The following C11orf65 variants were observed in gnomAD, a reference collection of about 807,000 sequenced individuals.
C11orf65 encodes chromosome 11 open reading frame 65.
C11orf65 carries 38 observed loss-of-function variants against 35.3 expected under a neutral mutation model. The observed-to-expected ratio is 1.08, with a 90% CI of 0.83 to 1.41. The LOEUF is 1.41. C11orf65 is among the 40% of genes most tolerant of loss of function. The pLI, the probability that C11orf65 is intolerant of heterozygous loss-of-function variation, is 0.00. For missense variants in C11orf65, 370 were observed against 367.1 expected (o/e 1.01, Z -0.06); for synonymous variants, 105 against 114.4 (o/e 0.92, Z 0.53).
At position 108,347,268 on chromosome 11, in the gene C11orf65, T is replaced by G. The variant is rs752428743; in HGVS notation, c.227-11976A>C. 6.3e-7 allele frequency: 1 copy of G among 1,586,468 alleles called. No individual in the cohort carries two copies. Among genetic ancestry groups the G allele is most frequent in the Non-Finnish European group, 8.7e-7 (1 of 1,155,096 alleles). ...CAGTGATTTCAGATTGTTTGTTTCT[T>G]TTTTCTCCAGTTGGTTACATACTTG... On this transcript the variant is annotated intron_variant, in intron 2 of 3. Transcript: ENST00000524755.
rs185017130 is a variant in C11orf65 at position 108,405,284 on chromosome 11, G to A, written c.560+145C>T. 5.3e-4 allele frequency: 384 copies of A among 730,350 alleles called. 1 individual carries two copies. The East Asian group carries it at 5.7e-3, about 11-fold the overall frequency. 45.2% of individuals were successfully genotyped at this position (730,350 alleles called of 1,614,324 possible). On this transcript the variant is annotated intron_variant, in intron 6 of 8. Coordinates refer to ENST00000393084, the MANE Select transcript of C11orf65 (RefSeq NM_152587.5). ...ACAGAATATCTGTGTGTCAGTGTGC[G>A]TTTTATTCATCTGTCGTTTGGGTCA...
chr11:108,331,840 T>C, intron 3 of C11orf65: 2 of 1,595,830 alleles, frequency 1.3e-6, no homozygotes, highest in Non-Finnish European at 1.7e-6. Context: ...TTATATTTTT[T>C]TGTTTATTTG....
In C11orf65 at chr11:108,316,018, A is replaced by G. The variant is rs876659555; in HGVS notation, c.641-6947T>C. The G allele has an allele frequency of 6.2e-7, 1 of 1,614,034 alleles. No homozygotes were observed. The highest frequency in any genetic ancestry group is 1.3e-5 in the African/African-American group (1 of 74,946). ...CACAATCTTTTCTTATAGACTACGA[A>G]CATATGAACACGAAGCAATGTGGGG... On this transcript the variant is annotated intron_variant, in intron 6 of 6. Coordinates refer to the C11orf65 transcript ENST00000525729.
rs541998232 is a variant in C11orf65 at position 108,406,009 on chromosome 11, C to G, written c.430-450G>C. 4.6e-5 allele frequency among the ~76,000 whole-genome samples: 7 copies of G among 152,110 alleles called. No homozygotes were observed. The South Asian group carries it at 1.5e-3, about 32-fold the overall frequency. On this transcript the variant is annotated intron_variant, in intron 5 of 8. Transcript: ENST00000393084. ...TTCTCCTAACTGGTTGTCTATTTTC[C>G]CCCTTCCAACTCATTCCCCCTGCTC... is the stretch of plus-strand genomic sequence containing the variant.
At chr11:108,370,399 AATCAT>A (rs2091526833) in intron 2 of C11orf65, among the ~76,000 whole-genome samples, 1 of 151,984 alleles carries the variant, frequency 6.6e-6, no homozygotes, top group Non-Finnish European at 1.5e-5. Context: ...CTATGTATAT[AATCAT>A]ATCATCTATG....
chr11:108,354,088 C>T (rs1196132527), intron 2 of C11orf65, among the ~76,000 whole-genome samples: 1 of 149,482 alleles, frequency 6.7e-6, no homozygotes, highest in Admixed American at 6.6e-5. Flanking sequence ...CACACACACA[C>T]ACACACACAC....
At chr11:108,376,159 C>G (rs2091718837) in intron 2 of C11orf65, among the ~76,000 whole-genome samples, 1 of 152,106 alleles carries the variant, frequency 6.6e-6, no homozygotes, top group Admixed American at 6.5e-5. Flanking sequence ...ACAGAACTCT[C>G]CACCCCAAAT....
intron 3 of C11orf65, among the ~76,000 whole-genome samples, chr11:108,410,131 G>T (rs1358886892): frequency 1.3e-5 from 2 of 152,144 alleles, no homozygotes; most frequent in East Asian, 1.9e-4. Flanking sequence ...GACTACCAAA[G>T]AGTTTTCCAA....
At chr11:108,431,015 T>C (rs77208327) in intron 3 of C11orf65, among the ~76,000 whole-genome samples, 1,585 of 151,594 alleles carry the variant, frequency 0.01, 31 homozygotes, top group African/African-American at 0.036. Flanking sequence ...AAACTGACAA[T>C]ATTATGTATT....
chr11:108,451,706 T>G (rs1308813535), intron 2 of C11orf65, among the ~76,000 whole-genome samples: 1 of 152,180 alleles, frequency 6.6e-6, no homozygotes, highest in East Asian at 1.9e-4. Flanking sequence ...AAGACAATCC[T>G]AAGCCAAAAG....
chr11:108,423,188 T>G (rs1257151100), intron 3 of C11orf65, among the ~76,000 whole-genome samples: 2 of 151,748 alleles, frequency 1.3e-5, no homozygotes, highest in African/African-American at 4.8e-5. Context: ...CTAGCTGCAG[T>G]TTTTTTTCAT....
chr11:108,354,268 C>T (rs1259872794), intron 2 of C11orf65, among the ~76,000 whole-genome samples: 2 of 152,178 alleles, frequency 1.3e-5, no homozygotes, highest in Non-Finnish European at 2.9e-5. Context: ...TTATTCCAAA[C>T]CTCCTCTGGA....
intron 1 of C11orf65, among the ~76,000 whole-genome samples, chr11:108,464,182 C>T (rs1006610262): frequency 6.6e-6 from 1 of 152,148 alleles, no homozygotes; most frequent in Non-Finnish European, 1.5e-5. Context: ...CCGCCTTGGC[C>T]TCCCAAAGTG....
chr11:108,330,238 G>C (rs876658886), downstream of C11orf65: 1 of 1,614,160 alleles, frequency 6.2e-7, no homozygotes, highest in Non-Finnish European at 8.5e-7. Context: ...TTCAGCGAGA[G>C]CTGGAGTTGG....
chr11:108,319,626 C>A (rs1010621160), intron 6 of C11orf65, among the ~76,000 whole-genome samples: 1 of 152,150 alleles, frequency 6.6e-6, no homozygotes, highest in Non-Finnish European at 1.5e-5. Context: ...ACATAAATTC[C>A]ATGAGAGTAA....
At chr11:108,315,625 A>G (rs1315045090) in intron 6 of C11orf65, among the ~76,000 whole-genome samples, 1 of 152,178 alleles carries the variant, frequency 6.6e-6, no homozygotes, top group African/African-American at 2.4e-5. Context: ...ATCCACATAT[A>G]AGTTGTCCTG....
chr11:108,356,144 G>A (rs1169481367), intron 2 of C11orf65: 1 of 152,170 alleles, frequency 6.6e-6, no homozygotes, highest in Non-Finnish European at 1.5e-5. Context: ...AAATAAGCAT[G>A]ATGTGTAACA....
At chr11:108,385,757 C>G (rs1046436816) in intron 8 of C11orf65, among the ~76,000 whole-genome samples, 163 bp downstream of exon 8, 3 of 152,010 alleles carry the variant, frequency 2.0e-5, no homozygotes, top group Admixed American at 6.6e-5. Context: ...CCTTCTATTC[C>G]CAAATAACAA....
intron 3 of C11orf65, chr11:108,331,824 T>G (rs1453700440): frequency 6.3e-7 from 1 of 1,579,980 alleles, no homozygotes; most frequent in African/African-American, 1.4e-5. Context: ...AAATGAAAAA[T>G]ATGGATTATA....
Sources: allele counts gnomAD v4.1 joint callset (sites outside exome capture counted in the v4.1 genomes callset), GRCh38; gene constraint gnomAD v4.1.1; transcripts MANE v1.5; gene names NCBI Gene and HGNC (gene_info 2026-07-23, HGNC 2026-07-21).